ARHGEF10: variants seen among roughly 807,000 people sequenced by gnomAD.
ARHGEF10 encodes the protein Rho guanine nucleotide exchange factor 10, also known as Rho guanine nucleotide exchange factor (GEF) 10.
A neutral mutation model predicts 147.4 loss-of-function variants in ARHGEF10; 140 were observed. The ratio of observed to expected loss-of-function variants is 0.95; its 90% confidence interval spans 0.83 to 1.09. ARHGEF10 has a LOEUF of 1.09. ARHGEF10 is among the 50% of genes least tolerant of loss of function. ARHGEF10 has a pLI of 0.00. For missense variants in ARHGEF10, 2,222 were observed against 1,752.7 expected (o/e 1.27, Z -4.78); for synonymous variants, 902 against 695.8 (o/e 1.30, Z -4.67).
rs149383697 is a variant in ARHGEF10, at chr8:1,947,742, C to T, written c.3397+2087C>T. Among the ~76,000 whole-genome samples, 1,338 of 143,640 alleles carry T rather than the reference C, an allele frequency of 9.3e-3. 12 individuals carry two copies. The highest frequency in any genetic ancestry group is 0.016 in the Non-Finnish European group (1,060 of 65,464). The allele number at this position is 143,640 out of a possible 152,430, so 94.2% of individuals were successfully genotyped here. ...CACCCACTGTCAGCACCCGCCCCGG[C>T]CCCCCGCACTGTCCCCATACCCCAC... is the stretch of plus-strand genomic sequence containing the variant. On this transcript the variant is annotated intron_variant, in intron 27 of 28. Transcript: ENST00000349830.
intron 15 of ARHGEF10, among the ~76,000 whole-genome samples, chr8:1,900,622 G>A (rs1355510572): frequency 6.6e-6 from 1 of 152,170 alleles, no homozygotes; most frequent in Admixed American, 6.5e-5. Flanking sequence ...TTACAAATCT[G>A]TTCTTGTAAG....
Position 1,956,830 on chromosome 8 carries a change from A to C in ARHGEF10, c.3602A>C (p.Lys1201Thr), listed in dbSNP as rs764239167. ...GCCACGGCTCTGCACGAGAAAGACAAGGACAAATCCAGGGACAGCCTGGCT... is the reference window on the plus strand; with the variant it reads ...GCCACGGCTCTGCACGAGAAAGACACGGACAAATCCAGGGACAGCCTGGCT... ...VLATALHEKD[K>T]DKSRDSLAPG... Residue 1201 changes from lysine (K) to threonine (T), a missense_variant, in exon 29 of 29, where the codon AAG becomes ACG. Transcript: ENST00000349830. The C allele has an allele frequency of 2.5e-6, 4 of 1,614,058 alleles. 1 individual carries two copies. The South Asian group carries it at 4.4e-5, about 18-fold the overall frequency.
intron 28 of ARHGEF10, among the ~76,000 whole-genome samples, chr8:1,953,405 G>A (rs1347866813): frequency 6.6e-6 from 1 of 152,068 alleles, no homozygotes; most frequent in Non-Finnish European, 1.5e-5. Context: ...ATATTGTGAA[G>A]AAGGAAGCCG....
At chr8:1,885,484 G>T in intron 10 of ARHGEF10, 117 bp from the exon 11 acceptor site, 1 of 717,248 alleles carries the variant, frequency 1.4e-6, no homozygotes, top group East Asian at 2.7e-5. Context: ...TGTCAAGTAA[G>T]CATGGAAAAT....
chr8:1,909,548 T>A (rs1445118954), intron 18 of ARHGEF10, 78 bp downstream of exon 18: 2 of 1,577,780 alleles, frequency 1.3e-6, no homozygotes, highest in Non-Finnish European at 1.7e-6. Flanking sequence ...GGGGCCAGCG[T>A]AAGCTCCACC....
rs1377399333 is a variant in ARHGEF10 at position 1,948,686 on chromosome 8, C to T, written c.3397+3031C>T. Among the ~76,000 whole-genome samples the T allele has an allele frequency of 6.6e-6, 1 of 152,208 alleles. No individual in the cohort carries two copies. The highest frequency in any genetic ancestry group is 1.9e-4 in the East Asian group (1 of 5,198). ...CATTTTGTGACTCAGAGGGAATGAG[C>T]AGGCCAGAGAGTCCTTTCCTCCAGA... On this transcript the variant is annotated intron_variant, in intron 27 of 28. Transcript: ENST00000349830. This position sits in a 1 kb window ranked among gnomAD's most constrained non-coding sequence, Gnocchi z 4.9.
At chr8:1,902,206 G>A (rs1810524028) in intron 15 of ARHGEF10, among the ~76,000 whole-genome samples, 1 of 151,946 alleles carries the variant, frequency 6.6e-6, no homozygotes, top group East Asian at 1.9e-4. Flanking sequence ...GTGTCCATGT[G>A]ATCTCATTGC....
intron 18 of ARHGEF10, among the ~76,000 whole-genome samples, chr8:1,919,221 G>A (rs1812012421): frequency 6.8e-6 from 1 of 147,324 alleles, no homozygotes; most frequent in Admixed American, 6.7e-5. Flanking sequence ...GCTGCTCCGT[G>A]GGTGATGGAG....
intron 15 of ARHGEF10, 130 bp from the exon 16 acceptor site, chr8:1,903,151 T>A: frequency 1.7e-6 from 2 of 1,192,166 alleles, no homozygotes; most frequent in South Asian, 1.2e-5. Flanking sequence ...TCCCAAGAAC[T>A]GACTTTATTT....
intron 26 of ARHGEF10, among the ~76,000 whole-genome samples, chr8:1,944,402 A>G (rs893831191): frequency 6.6e-6 from 1 of 152,142 alleles, no homozygotes; most frequent in African/African-American, 2.4e-5. Context: ...AGGCGATGCC[A>G]TGGGAGAAGG....
chr8:1,829,317 G>A (rs1323982099), intron 1 of ARHGEF10, among the ~76,000 whole-genome samples: 3 of 152,278 alleles, frequency 2.0e-5, no homozygotes, highest in African/African-American at 7.2e-5. Context: ...GGTGCGTGCA[G>A]TTCTGAGCCT....
chr8:1,912,820 T>G (rs1811471617), intron 18 of ARHGEF10, among the ~76,000 whole-genome samples: 1 of 152,142 alleles, frequency 6.6e-6, no homozygotes. Context: ...CTGTGTAGTT[T>G]TCTGGGGTGA....
intron 18 of ARHGEF10, among the ~76,000 whole-genome samples, chr8:1,918,938 T>C (rs1811973972): frequency 6.6e-6 from 1 of 151,848 alleles, no homozygotes; most frequent in South Asian, 2.1e-4. Context: ...GGAGTTGTTC[T>C]GTCAGTGATG....
At chr8:1,910,433 G>A (rs1299943334) in intron 18 of ARHGEF10, among the ~76,000 whole-genome samples, 2 of 152,078 alleles carry the variant, frequency 1.3e-5, no homozygotes, top group Non-Finnish European at 2.9e-5. Context: ...CTGCCTAGTA[G>A]GCTAATTCGT....
chr8:1,952,398 A>G (rs559007203), intron 27 of ARHGEF10, among the ~76,000 whole-genome samples: 68 of 152,352 alleles, frequency 4.5e-4, no homozygotes, highest in African/African-American at 1.6e-3. Flanking sequence ...AGACAGATTC[A>G]TCCAGGGGCT....
rs111288062 is a variant in ARHGEF10 at position 1,915,625 on chromosome 8, G to A, written c.2143+6155G>A. On this transcript the variant is annotated intron_variant, in intron 18 of 28. Transcript: ENST00000349830. ...ATGCGTGGCTCTGTTCTCCATGCAG[G>A]TGGCTGCCGCCTTCTCCGTCACTGT... Among the ~76,000 whole-genome samples the A allele has an allele frequency of 7.5e-3, 1,136 of 152,366 alleles. 18 individuals are homozygous for A. Among genetic ancestry groups the A allele is most frequent in the African/African-American group, 0.025 (1,049 of 41,592 alleles).
intron 18 of ARHGEF10, among the ~76,000 whole-genome samples, chr8:1,917,147 A>G (rs1169203011): frequency 1.3e-5 from 2 of 152,220 alleles, no homozygotes; most frequent in Non-Finnish European, 2.9e-5. Context: ...TTTCCTTAGA[A>G]GTGGAATTTT....
intron 23 of ARHGEF10, 81 bp downstream of exon 23, chr8:1,926,544 G>A: frequency 1.5e-6 from 2 of 1,311,674 alleles, no homozygotes; most frequent in Non-Finnish European, 2.2e-6. Flanking sequence ...ACTGAGATGT[G>A]AATTGCTCAG....
At chr8:1,897,156 T>C (rs1810043145) in intron 14 of ARHGEF10, among the ~76,000 whole-genome samples, 1 of 152,240 alleles carries the variant, frequency 6.6e-6, no homozygotes, top group Non-Finnish European at 1.5e-5. Context: ...GTGTTCTTGT[T>C]ACTTGGACTG....
Sources: allele counts gnomAD v4.1 joint callset (sites outside exome capture counted in the v4.1 genomes callset), GRCh38; gene constraint gnomAD v4.1.1; non-coding constraint Gnocchi (gnomAD v3.1); transcripts MANE v1.5; gene names NCBI Gene and HGNC (gene_info 2026-07-23, HGNC 2026-07-21).